The following PRKAR1B variants were observed in gnomAD, a reference collection of about 807,000 sequenced individuals.
PRKAR1B encodes cAMP-dependent protein kinase type I-beta regulatory subunit.
A neutral mutation model predicts 46.5 loss-of-function variants in PRKAR1B; 22 were observed. The ratio of observed to expected loss-of-function variants is 0.47; its 90% CI spans 0.34 to 0.68. PRKAR1B has a LOEUF of 0.68. PRKAR1B is among the 30% of genes least tolerant of loss of function. The probability of loss-of-function intolerance (pLI) is 0.01; values close to 1 mark genes in which losing one functional copy is unlikely to be tolerated. For synonymous variants in PRKAR1B, 259 were observed against 217.7 expected (o/e 1.19, Z -1.67); for missense variants, 445 against 535.6 (o/e 0.83, Z 1.67).
chr7:673,887 C>A (rs966148868), intron 4 of PRKAR1B, among the ~76,000 whole-genome samples: 4 of 152,324 alleles, frequency 2.6e-5, no homozygotes, highest in African/African-American at 4.8e-5. Flanking sequence ...AGGCCCCGGG[C>A]AGGCCCCTCC....
chr7:702,873 TCATA>T, intron 2 of PRKAR1B, among the ~76,000 whole-genome samples: 1 of 151,668 alleles, frequency 6.6e-6, no homozygotes, highest in Non-Finnish European at 1.5e-5. Context: ...TAAAGATGCA[TCATA>T]ATATATACTA....
intron 4 of PRKAR1B, among the ~76,000 whole-genome samples, chr7:657,353 G>C (rs1158660138): frequency 6.6e-6 from 1 of 151,118 alleles, no homozygotes; most frequent in African/African-American, 2.4e-5. Flanking sequence ...GTGTGGATGG[G>C]TGAATGAAGG....
At chr7:713,555 C>T (rs1780764810) in intron 1 of PRKAR1B, among the ~76,000 whole-genome samples, 1 of 152,010 alleles carries the variant, frequency 6.6e-6, no homozygotes, top group Non-Finnish European at 1.5e-5. Context: ...CCCATGCTCA[C>T]CTGGTCCACA....
At chr7:563,584 GTA>G (rs200560161) in intron 9 of PRKAR1B, among the ~76,000 whole-genome samples, 238 of 152,240 alleles carry the variant, frequency 1.6e-3, no homozygotes, top group African/African-American at 5.3e-3. Flanking sequence ...ACAGGTGTGT[GTA>G]TGGGTGTGTT....
chr7:664,941 C>A (rs1785822286), intron 4 of PRKAR1B, among the ~76,000 whole-genome samples: 1 of 152,024 alleles, frequency 6.6e-6, no homozygotes, highest in Non-Finnish European at 1.5e-5. Flanking sequence ...AATCTCAGGG[C>A]ACCAAACAGC....
intron 7 of PRKAR1B, among the ~76,000 whole-genome samples, chr7:588,887 A>AGTGGTGATGACG (rs1780810340): frequency 6.3e-4 from 1 of 1,590 alleles, no homozygotes; most frequent in African/African-American, 5.6e-3. Context: ...GGATAGTGAC[A>AGTGGTGATGACG]GTGGTGGTGA....
intron 2 of PRKAR1B, among the ~76,000 whole-genome samples, chr7:688,064 C>G (rs1392898318): frequency 1.4e-5 from 2 of 146,464 alleles, no homozygotes; most frequent in African/African-American, 2.6e-5. Flanking sequence ...CCACTGCACT[C>G]CAGCCTGGGC....
At chr7:573,623 G>C (rs778216615) in intron 9 of PRKAR1B, among the ~76,000 whole-genome samples, 3 of 152,218 alleles carry the variant, frequency 2.0e-5, no homozygotes, top group Non-Finnish European at 2.9e-5. Flanking sequence ...ACGAAAATCA[G>C]CCGTAACGGC....
At chr7:671,511 T>G (rs898175754) in intron 4 of PRKAR1B, among the ~76,000 whole-genome samples, 5 of 152,038 alleles carry the variant, frequency 3.3e-5, no homozygotes, top group Admixed American at 3.3e-4. Context: ...CAGGCTAGAG[T>G]GTAGCGACAC....
chr7:698,203 A>G (rs141735739), intron 2 of PRKAR1B, among the ~76,000 whole-genome samples: 6,356 of 152,034 alleles, frequency 0.042, 421 homozygotes, highest in African/African-American at 0.13. Flanking sequence ...CCAGGAGTTC[A>G]AGACCAGCCT....
chr7:570,060 G>A (rs1400515820), intron 9 of PRKAR1B, among the ~76,000 whole-genome samples: 1 of 152,264 alleles, frequency 6.6e-6, no homozygotes, highest in African/African-American at 2.4e-5. Context: ...AAGATGCGCT[G>A]AGATTTCCCT....
rs1781639672 is a variant in PRKAR1B, at chr7:602,013, A to T, written c.549+4180T>A. On this transcript the variant is annotated intron_variant, in intron 6 of 10. Coordinates refer to ENST00000537384, the MANE Select transcript of PRKAR1B (RefSeq NM_001164760.2). This position sits in a 1 kb window ranked among gnomAD's most constrained non-coding sequence, Gnocchi z 6.4. ...ACTCCAGTTACACGAGGGTGACCTC[A>T]CTCTTTCCTTTCTCAAAATTGCCTC... is the stretch of plus-strand genomic sequence containing the variant. Among the ~76,000 whole-genome samples, 1 of 151,868 alleles carries T rather than the reference A, an allele frequency of 6.6e-6. No homozygotes were observed. Among genetic ancestry groups the T allele is most frequent in the African/African-American group, 2.4e-5 (1 of 41,320 alleles).
At chr7:694,821 A>G (rs1779636907) in intron 2 of PRKAR1B, among the ~76,000 whole-genome samples, 1 of 152,162 alleles carries the variant, frequency 6.6e-6, no homozygotes, top group African/African-American at 2.4e-5. Flanking sequence ...GGATCACCTG[A>G]GGTCAGAAGT....
intron 1 of PRKAR1B, chr7:726,504 A>T (rs1460549832): frequency 5.2e-6 from 2 of 383,800 alleles, no homozygotes; most frequent in Admixed American, 4.6e-5. Flanking sequence ...CATCTGTACA[A>T]TGGGGACAGG....
At chr7:721,071 T>C (rs1781055525) in intron 1 of PRKAR1B, among the ~76,000 whole-genome samples, 1 of 152,208 alleles carries the variant, frequency 6.6e-6, no homozygotes, top group Non-Finnish European at 1.5e-5. Flanking sequence ...ACCATATACA[T>C]ATGCAACCCA....
Position 666,781 on chromosome 7 carries a change from C to A in PRKAR1B, c.440+10448G>T, listed in dbSNP as rs114643130. Among the ~76,000 whole-genome samples, 949 of 152,354 alleles carry A rather than the reference C, an allele frequency of 6.2e-3. 9 individuals are homozygous for A. Among genetic ancestry groups the A allele is most frequent in the African/African-American group, 0.022 (909 of 41,582 alleles). ...GAATGACTCAAGGCTACCCCAGCCTCTTTCTCAGACCAAGTACTGAGTGGG... is the reference window on the plus strand; with the variant it reads ...GAATGACTCAAGGCTACCCCAGCCTATTTCTCAGACCAAGTACTGAGTGGG... On this transcript the variant is annotated intron_variant, in intron 4 of 10. Coordinates refer to ENST00000537384, the MANE Select transcript of PRKAR1B (RefSeq NM_001164760.2). The surrounding 1 kb of genome is among the most constrained non-coding windows in gnomAD (Gnocchi z 4.9).
At chr7:578,180 C>G (rs934751553) in intron 9 of PRKAR1B, among the ~76,000 whole-genome samples, 11 of 152,174 alleles carry the variant, frequency 7.2e-5, no homozygotes, top group African/African-American at 2.4e-4. Flanking sequence ...CCTCTGGAGT[C>G]GAGTCCCACC....
chr7:680,667 A>C lies in PRKAR1B; in HGVS notation c.237T>G (p.Asp79Glu). The C allele has an allele frequency of 6.2e-7, 1 of 1,613,714 alleles. No individual in the cohort carries two copies. Among genetic ancestry groups the C allele is most frequent in the Non-Finnish European group, 8.5e-7 (1 of 1,179,914 alleles). Residue 79 changes from aspartate to glutamate, a missense_variant, in exon 3 of 11, where the codon GAT becomes GAG. Asp to Glu is a conservative substitution (Grantham distance 45). Coordinates refer to ENST00000537384, the MANE Select transcript of PRKAR1B (RefSeq NM_001164760.2). The stretch of plus-strand genomic sequence containing the variant: ...TCGGGGGGGTGGGCGACACCTCCTC[A>C]TCATGGGAGTCCGACTGTGAGTTTG... ...QKSNSQSDSH[D>E]EEVSPTPPNP...
chr7:711,660 T>C, intron 1 of PRKAR1B, 133 bp from the exon 2 acceptor site: 1 of 844,708 alleles, frequency 1.2e-6, no homozygotes, highest in Non-Finnish European at 1.8e-6. Context: ...TTGTCAAAGA[T>C]CTTTCATTCT....
Sources: allele counts gnomAD v4.1 joint callset (sites outside exome capture counted in the v4.1 genomes callset), GRCh38; gene constraint gnomAD v4.1.1; non-coding constraint Gnocchi (gnomAD v3.1); transcripts MANE v1.5; gene names NCBI Gene and HGNC (gene_info 2026-07-23, HGNC 2026-07-21).